The following NUP107 variants were observed in gnomAD, a reference collection of about 807,000 sequenced individuals.
NUP107 encodes nuclear pore complex protein Nup107.
In NUP107, 101 loss-of-function variants were observed where a neutral mutation model predicts 141.0. The observed-to-expected ratio is 0.72, with a 90% CI of 0.61 to 0.84. The LOEUF is 0.84. Ranked by LOEUF, NUP107 falls within the 40% of genes least tolerant of loss-of-function variation. The pLI is 0.00. For synonymous variants in NUP107, 319 were observed against 363.9 expected, an observed-to-expected ratio of 0.88 and a Z score of 1.41; for missense variants, 941 against 1,102.7, an observed-to-expected ratio of 0.85 and a Z score of 2.08.
intron 12 of NUP107, among the ~76,000 whole-genome samples, chr12:68,718,434 T>G (rs956950285): frequency 1.3e-5 from 2 of 152,220 alleles, no homozygotes; most frequent in Non-Finnish European, 2.9e-5. Context: ...GACTTATTGG[T>G]CAAGTTGAAC....
In NUP107 at chr12:68,691,965, A is replaced by G; in HGVS notation, c.304-3A>G. On this transcript the variant is annotated splice_region_variant and splice_polypyrimidine_tract_variant and intron_variant, in intron 4 of 27. Transcript: ENST00000229179. ...TATTTTTACTTTTTTGTTTTTTTTTAAGGTTACTAATCTGGATGACAGTAA... is the reference window on the plus strand; with the variant it reads ...TATTTTTACTTTTTTGTTTTTTTTTGAGGTTACTAATCTGGATGACAGTAA... The G allele has an allele frequency of 6.3e-7, 1 of 1,579,410 alleles. No homozygotes were observed. The highest frequency in any genetic ancestry group is 8.6e-7 in the Non-Finnish European group (1 of 1,169,498).
intron 26 of NUP107, chr12:68,740,138 CTG>C (rs1253524827): frequency 2.0e-5 from 3 of 152,320 alleles, no homozygotes; most frequent in African/African-American, 7.2e-5. Context: ...TGGGTCCATC[CTG>C]TGAGATAAGA....
At chr12:68,736,197 G>T (rs1443087241) in intron 26 of NUP107, among the ~76,000 whole-genome samples, 1 of 152,150 alleles carries the variant, frequency 6.6e-6, no homozygotes, top group African/African-American at 2.4e-5. Flanking sequence ...TTTGAACAAA[G>T]AAAACAGTAA....
Position 68,745,555 on chromosome 12 carries a change from C to T in NUP107, c.*3093C>T, listed in dbSNP as rs1360831043. ...AAACATATATATATATTTGTATGCACCCCTAGAGACAGCTGTATATATATA... is the reference window on the plus strand; with the variant it reads ...AAACATATATATATATTTGTATGCATCCCTAGAGACAGCTGTATATATATA... On this transcript the variant is annotated 3_prime_UTR_variant, in exon 28 of 28. Coordinates refer to ENST00000229179, the MANE Select transcript of NUP107 (RefSeq NM_020401.4). 6.6e-6 allele frequency: 1 copy of T among 152,158 alleles called. No individual in the cohort carries two copies. The highest frequency in any genetic ancestry group is 1.9e-4 in the East Asian group (1 of 5,194). 9.4% of individuals were successfully genotyped at this position (152,158 alleles called of 1,614,324 possible).
intron 12 of NUP107, among the ~76,000 whole-genome samples, chr12:68,718,268 T>C (rs561774320): frequency 6.6e-6 from 1 of 152,240 alleles, no homozygotes; most frequent in South Asian, 2.1e-4. Flanking sequence ...TGGTGGTGAA[T>C]CTTGTTAGCT....
rs372661240 is a variant in NUP107 at position 68,731,296 on chromosome 12, C to T, written c.1885+36C>T. 1.7e-4 allele frequency: 267 copies of T among 1,562,280 alleles called. No individual in the cohort carries two copies. The African/African-American group carries it at 3.2e-3, about 19-fold the overall frequency. ...TTGAAAACTTTGTCTTTTGGCCTTT[C>T]TAGGCAAATGTTCATTTTGGCTGTA... On this transcript the variant is annotated intron_variant, in intron 21 of 27. Transcript: ENST00000229179.
At chr12:68,732,562 TCTA>T in intron 22 of NUP107, 72 bp from the exon 23 acceptor site, 4 of 789,576 alleles carry the variant, frequency 5.1e-6, no homozygotes, top group Non-Finnish European at 7.9e-6. Context: ...GTAAGTTAAT[TCTA>T]CTAATTTGTA....
In NUP107 at chr12:68,742,599, G is replaced by T. The variant is rs891285745; in HGVS notation, c.*137G>T. 4 of 457,042 alleles carry T rather than the reference G, an allele frequency of 8.8e-6. No individual in the cohort carries two copies. The highest frequency in any genetic ancestry group is 8.2e-5 in the African/African-American group (4 of 48,852). 28.3% of individuals were successfully genotyped at this position (457,042 alleles called of 1,614,324 possible). A position where few individuals can be genotyped will look rare whatever the true frequency, so the allele number is the denominator to read the frequency against. On this transcript the variant is annotated 3_prime_UTR_variant, in exon 28 of 28. Coordinates refer to ENST00000229179, the MANE Select transcript of NUP107 (RefSeq NM_020401.4). ...ATTTTGTACTTTTCAGAATATTATC[G>T]TGACACTTTCAACATGTAGGGATAT...
In NUP107 at chr12:68,690,612, A is replaced by G. The variant is rs199538655; in HGVS notation, c.188-19A>G. 4.5e-5 allele frequency: 72 copies of G among 1,614,112 alleles called. No individual in the cohort carries two copies. The highest frequency in any genetic ancestry group is 6.1e-5 in the Non-Finnish European group (72 of 1,179,978). On this transcript the variant is annotated intron_variant, in intron 3 of 27. Coordinates refer to ENST00000229179, the MANE Select transcript of NUP107 (RefSeq NM_020401.4). The stretch of plus-strand genomic sequence containing the variant: ...TGCTCACGCACTTTAGGTTCTTTCT[A>G]CCAACCTTTTGTTTATAGTTACCCC...
chr12:68,731,899 A>G (rs1460746957), intron 22 of NUP107, among the ~76,000 whole-genome samples, 180 bp downstream of exon 22: 1 of 152,202 alleles, frequency 6.6e-6, no homozygotes, highest in Non-Finnish European at 1.5e-5. Context: ...TTATAGTAGT[A>G]TGTTAAAGGA....
intron 20 of NUP107, among the ~76,000 whole-genome samples, chr12:68,730,577 A>G (rs1229256012): frequency 6.6e-6 from 1 of 152,186 alleles, no homozygotes; most frequent in Non-Finnish European, 1.5e-5. Context: ...GCAAGCCACC[A>G]TACCCAGCCA....
chr12:68,722,216 T>G, intron 17 of NUP107, 64 bp downstream of exon 17: 3 of 1,297,894 alleles, frequency 2.3e-6, no homozygotes, highest in East Asian at 2.5e-5. Flanking sequence ...TATTGTGCAC[T>G]GTAGCTGAAA....
At chr12:68,707,184 T>C in intron 8 of NUP107, 1 of 458,208 alleles carries the variant, frequency 2.2e-6, no homozygotes. Context: ...CCTAGCCCTC[T>C]GCCCACCCGT....
chr12:68,718,992 G>C (rs1417429582), intron 12 of NUP107, among the ~76,000 whole-genome samples: 1 of 152,046 alleles, frequency 6.6e-6, no homozygotes, highest in Non-Finnish European at 1.5e-5. Flanking sequence ...GGGTTCAAGC[G>C]ATGCACCTGC....
chr12:68,691,235 A>G (rs1433537703), intron 4 of NUP107, among the ~76,000 whole-genome samples: 3 of 152,206 alleles, frequency 2.0e-5, no homozygotes, highest in Non-Finnish European at 4.4e-5. Flanking sequence ...GACACCAGCA[A>G]CCTTTAGATG....
chr12:68,707,457 C>G (rs896333886), intron 8 of NUP107, among the ~76,000 whole-genome samples: 1 of 152,082 alleles, frequency 6.6e-6, no homozygotes, highest in African/African-American at 2.4e-5. Context: ...CAAACTTAGC[C>G]GGGCATGGTG....
chr12:68,715,826 C>A (rs1877079691), intron 12 of NUP107, 86 bp downstream of exon 12: 2 of 716,022 alleles, frequency 2.8e-6, no homozygotes, highest in Non-Finnish European at 4.8e-6. Flanking sequence ...GCCTAGTAAG[C>A]CTTCTTAATG....
Position 68,734,793 on chromosome 12 carries a change from C to T in NUP107, c.2348C>T (p.Thr783Ile), listed in dbSNP as rs1877995157. Residue 783 changes from threonine to isoleucine, a missense_variant, in exon 25 of 28, where the codon ACT (threonine) becomes ATT (isoleucine). Coordinates refer to ENST00000229179, the MANE Select transcript of NUP107 (RefSeq NM_020401.4). ...KPALIPQPTF[T>I]EKVAHEHKEK... ...GCTTTGATACCTCAACCAACTTTTA[C>T]TGAGAAAGTGGCTCATGAACACAAA... 9 of 1,613,294 alleles carry T rather than the reference C, an allele frequency of 5.6e-6. No individual in the cohort carries two copies. The highest frequency in any genetic ancestry group is 7.6e-6 in the Non-Finnish European group (9 of 1,179,686).
In NUP107 at chr12:68,692,040, G is replaced by C. The variant is rs185922239; in HGVS notation, c.376G>C (p.Glu126Gln). ...SQRSGLFTNT[E>Q]PHSITEDVTI... The stretch of plus-strand genomic sequence containing the variant: ...GCGTTCCGGGCTGTTCACAAACACA[G>C]AGCCCCACAGTATAACAGAAGATGT... Residue 126 changes from glutamate to glutamine, a missense_variant, in exon 5 of 28, where the codon GAG becomes CAG. Coordinates refer to ENST00000229179, the MANE Select transcript of NUP107 (RefSeq NM_020401.4). 71 of 1,612,122 alleles carry C rather than the reference G, an allele frequency of 4.4e-5. No homozygotes were observed. In the East Asian group the frequency reaches 1.6e-3, roughly 36 times the overall value.
Sources: allele counts gnomAD v4.1 joint callset (sites outside exome capture counted in the v4.1 genomes callset), GRCh38; gene constraint gnomAD v4.1.1; transcripts MANE v1.5; gene names NCBI Gene and HGNC (gene_info 2026-07-23, HGNC 2026-07-21).